Variants in TTC3 observed in about 807,000 individuals in gnomAD.
The protein encoded by TTC3 is E3 ubiquitin-protein ligase TTC3.
In TTC3, 180 loss-of-function variants were observed where a neutral mutation model predicts 249.6. The observed-to-expected ratio is 0.72, with a 90% CI of 0.64 to 0.82. The LOEUF (loss-of-function observed/expected upper bound fraction) is 0.82, where lower values mean the gene tolerates loss of function less well. Ranked by LOEUF, TTC3 falls within the 40% of genes least tolerant of loss-of-function variation. The probability of loss-of-function intolerance (pLI) is 0.00; values close to 1 mark genes in which losing one functional copy is unlikely to be tolerated. For synonymous variants in TTC3, 717 were observed against 805.0 expected, an observed-to-expected ratio of 0.89 and a Z score of 1.85; for missense variants, 2,061 against 2,398.4, an observed-to-expected ratio of 0.86 and a Z score of 2.94.
At chr21:37,107,937 T>C (rs925078243) in intron 10 of TTC3, 6 of 153,314 alleles carry the variant, frequency 3.9e-5, no homozygotes, top group African/African-American at 1.4e-4. Flanking sequence ...TTCAAAAAAT[T>C]AGCCGGGTGT....
At chr21:37,125,002 C>T (rs1465492158) in intron 14 of TTC3, among the ~76,000 whole-genome samples, 3 of 152,050 alleles carry the variant, frequency 2.0e-5, no homozygotes, top group East Asian at 3.9e-4. Context: ...ACCATTTTGC[C>T]GCTTCTCTTT....
Position 37,165,819 on chromosome 21 carries a change from G to A in TTC3, c.3605G>A (p.Arg1202Gln), listed in dbSNP as rs764310585. Residue 1202 changes from arginine to glutamine, a missense_variant, in exon 33 of 46, where the codon CGA (arginine) becomes CAA (glutamine). Physicochemically the swap from Arg to Gln is conservative, Grantham distance 43. Transcript: ENST00000355666. ...ATTTCAAAAGCAGGGGAGTATGTAC[G>A]AGTTAAACTACAACTGAATCCAGCT... 1.4e-5 allele frequency: 22 copies of A among 1,614,038 alleles called. No individual in the cohort carries two copies. Among genetic ancestry groups the A allele is most frequent in the Non-Finnish European group, 1.8e-5 (21 of 1,180,034 alleles).
chr21:37,122,584 AGT>A (rs1350107852), intron 12 of TTC3, among the ~76,000 whole-genome samples: 2 of 151,544 alleles, frequency 1.3e-5, no homozygotes, highest in African/African-American at 4.9e-5. Context: ...CTACATTTTT[AGT>A]GTATGAGTCT....
exon 11 of TTC3, chr21:37,108,402 G>C: frequency 6.2e-7 from 1 of 1,610,554 alleles, no homozygotes; most frequent in Non-Finnish European, 8.5e-7. Context: ...AAATGCACTC[G>C]GTGATGGAAA....
chr21:37,090,481 T>TTA (rs1568878481), intron 6 of TTC3, 195 bp downstream of exon 6: 3 of 582,924 alleles, frequency 5.1e-6, no homozygotes, highest in Non-Finnish European at 6.4e-6. Context: ...TTTTTTTTTT[T>TTA]ACCCATGTAC....
intron 1 of TTC3, among the ~76,000 whole-genome samples, chr21:37,074,051 G>A (rs563749091): frequency 1.3e-5 from 2 of 152,320 alleles, no homozygotes; most frequent in African/African-American, 4.8e-5. Flanking sequence ...TGGTGAGCGT[G>A]AACGTTCGTG....
At chr21:37,187,086 T>C (rs1330965547) in exon 38 of TTC3, 22 of 1,565,320 alleles carry the variant, frequency 1.4e-5, no homozygotes, top group Non-Finnish European at 1.9e-5. Context: ...AATAGAAGAG[T>C]ATATAAAGAA....
intron 18 of TTC3, 50 bp downstream of exon 18, chr21:37,135,564 T>G: frequency 1.3e-6 from 2 of 1,585,352 alleles, no homozygotes; most frequent in Non-Finnish European, 1.7e-6. Context: ...GCACCTCAGA[T>G]GAATGCAGAA....
chr21:37,175,552 G>T (rs1352704548), intron 35 of TTC3, among the ~76,000 whole-genome samples: 1 of 132,034 alleles, frequency 7.6e-6, no homozygotes, highest in Non-Finnish European at 1.5e-5. Flanking sequence ...AGCCAAGATC[G>T]CACCATTGCA....
At chr21:37,150,002 A>C in intron 23 of TTC3, 76 bp from the exon 24 acceptor site, 1 of 1,079,612 alleles carries the variant, frequency 9.3e-7, no homozygotes, top group Non-Finnish European at 1.4e-6. Context: ...CCTAGTGGTA[A>C]AAATAGTATA....
chr21:37,147,313 CT>C (rs2079065083), intron 21 of TTC3, among the ~76,000 whole-genome samples, 167 bp from the exon 22 acceptor site: 3 of 152,092 alleles, frequency 2.0e-5, no homozygotes. Context: ...ATCAGCCTTC[CT>C]TTTAAAAGGA....
At chr21:37,110,660 A>G (rs187573078) in intron 11 of TTC3, among the ~76,000 whole-genome samples, 44 of 152,364 alleles carry the variant, frequency 2.9e-4, no homozygotes, top group Non-Finnish European at 4.9e-4. Context: ...AACTTCCCCA[A>G]TCTAGCAAGG....
chr21:37,099,511 G>A (rs1162577736), intron 10 of TTC3, among the ~76,000 whole-genome samples: 4 of 152,004 alleles, frequency 2.6e-5, no homozygotes, highest in East Asian at 3.9e-4. Context: ...TGTGAAAGTC[G>A]AAAAAATTAA....
At chr21:37,117,894 G>A (rs944263812) in intron 11 of TTC3, among the ~76,000 whole-genome samples, 3 of 149,594 alleles carry the variant, frequency 2.0e-5, no homozygotes, top group Non-Finnish European at 4.4e-5. Flanking sequence ...TGAGAACTTT[G>A]TGGAGAATAC....
At position 37,091,144 on chromosome 21, in the gene TTC3, A is replaced by G. The variant is rs2073215089; in HGVS notation, c.481-149A>G. On this transcript the variant is annotated intron_variant, in intron 6 of 45. Coordinates refer to ENST00000355666, the Ensembl canonical transcript of TTC3. ...TTATATGTCAGAGTCTGTCTACTCTAAGTTACATGCCAGAGTAGCAAAAAA... is the reference window on the plus strand; with the variant it reads ...TTATATGTCAGAGTCTGTCTACTCTGAGTTACATGCCAGAGTAGCAAAAAA... 12 of 720,446 alleles carry G rather than the reference A, an allele frequency of 1.7e-5. 1 individual carries two copies. Among genetic ancestry groups the G allele is most frequent in the Non-Finnish European group, 2.8e-5 (12 of 431,432 alleles). 44.6% of individuals were successfully genotyped at this position (720,446 alleles called of 1,614,324 possible).
chr21:37,169,307 AATCT>A (rs1424138660), intron 34 of TTC3, among the ~76,000 whole-genome samples: 1 of 152,172 alleles, frequency 6.6e-6, no homozygotes, highest in Non-Finnish European at 1.5e-5. Flanking sequence ...ACACAATATA[AATCT>A]ATCTATATTA....
intron 21 of TTC3, among the ~76,000 whole-genome samples, chr21:37,146,023 T>A (rs1310230430): frequency 6.6e-6 from 1 of 152,166 alleles, no homozygotes; most frequent in Non-Finnish European, 1.5e-5. Context: ...CACTCCTAGG[T>A]GTGTACAGAG....
rs370229430 is a variant in TTC3 at position 37,153,116 on chromosome 21, T to C, written c.2579T>C (p.Phe860Ser). ...AGCACAGAAGACTATACAACCTGTT[T>C]TTCTAGCAGAAATTTTCTAAATGAA... is the stretch of plus-strand genomic sequence containing the variant. The change falls in exon 27 of 46, where the codon TTT (phenylalanine) becomes TCT (serine). Residue 860 changes from phenylalanine (F) to serine (S), a missense_variant. Transcript: ENST00000355666. 47 of 1,613,830 alleles carry C rather than the reference T, an allele frequency of 2.9e-5. No individual in the cohort carries two copies. The highest frequency in any genetic ancestry group is 3.7e-5 in the Non-Finnish European group (44 of 1,180,026).
chr21:37,129,666 T>C (rs1471185349), intron 16 of TTC3, among the ~76,000 whole-genome samples: 1 of 152,216 alleles, frequency 6.6e-6, no homozygotes, highest in African/African-American at 2.4e-5. Context: ...GGTCTTGCTC[T>C]ATCACTTAGG....
Sources: gnomAD v4.1 joint callset for allele counts (sites outside exome capture counted in the v4.1 genomes callset) on GRCh38, gnomAD v4.1.1 for gene constraint, MANE v1.5 for transcripts, NCBI Gene and HGNC (gene_info 2026-07-23, HGNC 2026-07-21) for gene names.